Variants in METTL15 observed in about 807,000 individuals in gnomAD.
The protein encoded by METTL15 is 12S rRNA N(4)-cytidine methyltransferase METTL15.
METTL15 carries 34 observed loss-of-function variants against 38.3 expected under a neutral mutation model. The ratio of observed to expected loss-of-function variants is 0.89; its 90% CI spans 0.68 to 1.18. The LOEUF (loss-of-function observed/expected upper bound fraction) is 1.18, where lower values mean the gene tolerates loss of function less well. Ranked by LOEUF, METTL15 falls within the 50% of genes most tolerant of loss-of-function variation. The pLI is 0.00. For missense variants in METTL15, 438 were observed against 498.4 expected (o/e 0.88, Z 1.15); for synonymous variants, 162 against 170.9 (o/e 0.95, Z 0.41).
chr11:28,450,604 T>A (rs1483323576), intron 6 of METTL15, among the ~76,000 whole-genome samples: 1 of 152,210 alleles, frequency 6.6e-6, no homozygotes, highest in Non-Finnish European at 1.5e-5. Context: ...AAATACAGTA[T>A]GTGTAAGTCA....
chr11:28,270,849 A>T (rs1855614014), intron 4 of METTL15, among the ~76,000 whole-genome samples: 1 of 152,184 alleles, frequency 6.6e-6, no homozygotes, highest in Non-Finnish European at 1.5e-5. Context: ...CCTGGGTTAG[A>T]ATCCCAGCTG....
intron 6 of METTL15, among the ~76,000 whole-genome samples, chr11:28,452,343 A>G (rs1352734251): frequency 1.3e-5 from 2 of 152,242 alleles, no homozygotes; most frequent in African/African-American, 4.8e-5. Context: ...AGCTGATGTT[A>G]TAAATGGTCT....
chr11:28,407,701 G>A (rs1850686021), intron 5 of METTL15, among the ~76,000 whole-genome samples: 1 of 152,166 alleles, frequency 6.6e-6, no homozygotes, highest in South Asian at 2.1e-4. Context: ...CTTTTACGCT[G>A]TTGGTGGGAA....
chr11:28,152,779 G>C (rs553183940), intron 3 of METTL15, among the ~76,000 whole-genome samples: 3 of 147,206 alleles, frequency 2.0e-5, no homozygotes, highest in Admixed American at 6.9e-5. Context: ...AATTAGAAAG[G>C]AATAAAAGAG....
At chr11:28,430,721 A>T (rs1488321410) in intron 6 of METTL15, among the ~76,000 whole-genome samples, 1 of 108,504 alleles carries the variant, frequency 9.2e-6, no homozygotes, top group African/African-American at 3.6e-5. Context: ...TCTGGGAGGG[A>T]GGTGGGGGGG....
At chr11:28,255,334 C>G (rs1854927468) in intron 4 of METTL15, among the ~76,000 whole-genome samples, 1 of 152,088 alleles carries the variant, frequency 6.6e-6, no homozygotes, top group Non-Finnish European at 1.5e-5. Flanking sequence ...TTTATCAGTA[C>G]TAATAGTTTT....
At position 28,181,375 on chromosome 11, in the gene METTL15, A is replaced by G. The variant is rs141111083; in HGVS notation, c.271-29687A>G. 4.5e-3 allele frequency among the ~76,000 whole-genome samples: 677 copies of G among 150,798 alleles called. 3 individuals carry two copies. The highest frequency in any genetic ancestry group is 0.01 in the Middle Eastern group (3 of 288). On this transcript the variant is annotated intron_variant, in intron 3 of 6. Coordinates refer to ENST00000407364, the MANE Select transcript of METTL15 (RefSeq NM_001113528.2). ...CATACTCATCAACCCGTCATCTACA[A>G]TAGGTATTTCTCCTAATGCTATCCC...
At chr11:28,375,928 A>G (rs1467040733) in intron 5 of METTL15, among the ~76,000 whole-genome samples, 8 of 152,004 alleles carry the variant, frequency 5.3e-5, no homozygotes, top group South Asian at 2.1e-4. Context: ...TTATGTACCC[A>G]GTAGTCATTC....
rs1236519227 is a variant in METTL15, at chr11:28,130,619, G to A, written c.270+17015G>A. ...CTAGCAACTGACTGAGAGAGATGAA[G>A]GTCACTGGATTTGAGGTGTACATAT... is the stretch of plus-strand genomic sequence containing the variant. On this transcript the variant is annotated intron_variant, in intron 3 of 6. Transcript: ENST00000407364. Among the ~76,000 whole-genome samples the A allele has an allele frequency of 3.3e-5, 5 of 152,160 alleles. No homozygotes were observed. In the East Asian group the frequency reaches 9.7e-4, roughly 29 times the overall value.
At chr11:28,482,683 T>C (rs1851405288) in intron 6 of METTL15, among the ~76,000 whole-genome samples, 1 of 152,222 alleles carries the variant, frequency 6.6e-6, no homozygotes, top group Non-Finnish European at 1.5e-5. Context: ...CCAGTTTGTC[T>C]GGCTCAGGGC....
At chr11:28,183,571 CAT>C (rs1420575108) in intron 3 of METTL15, among the ~76,000 whole-genome samples, 1 of 151,942 alleles carries the variant, frequency 6.6e-6, no homozygotes, top group East Asian at 1.9e-4. Flanking sequence ...TATTATTTTA[CAT>C]ATGTTGAACT....
intron 6 of METTL15, among the ~76,000 whole-genome samples, chr11:28,454,891 G>A (rs141926044): frequency 5.9e-5 from 9 of 152,310 alleles, no homozygotes; most frequent in East Asian, 1.9e-4. Flanking sequence ...AAAGCACAAG[G>A]GATGGGGAGG....
intron 4 of METTL15, among the ~76,000 whole-genome samples, chr11:28,258,326 C>T (rs1855056312): frequency 6.6e-6 from 1 of 152,162 alleles, no homozygotes; most frequent in African/African-American, 2.4e-5. Context: ...CTGGGTCAGA[C>T]CTGAAGCCAG....
intron 3 of METTL15, among the ~76,000 whole-genome samples, chr11:28,157,522 C>T (rs1459849176): frequency 6.6e-6 from 1 of 152,174 alleles, no homozygotes; most frequent in African/African-American, 2.4e-5. Flanking sequence ...AACTACTCCC[C>T]TTTTGAGAGA....
At chr11:28,348,769 T>C (rs1272705699) in intron 3 of METTL15, among the ~76,000 whole-genome samples, 1 of 152,200 alleles carries the variant, frequency 6.6e-6, no homozygotes, top group African/African-American at 2.4e-5. Context: ...ATTCAATGGG[T>C]TATAATTTGC....
intron 4 of METTL15, among the ~76,000 whole-genome samples, chr11:28,269,539 A>G (rs993452264): frequency 6.6e-6 from 1 of 152,078 alleles, no homozygotes; most frequent in Non-Finnish European, 1.5e-5. Flanking sequence ...AATTAACTGC[A>G]TGTTGTTGTT....
At chr11:28,109,688 GT>G (rs1264973488) in intron 1 of METTL15, among the ~76,000 whole-genome samples, 1 of 152,184 alleles carries the variant, frequency 6.6e-6, no homozygotes, top group Non-Finnish European at 1.5e-5. Context: ...TGGATCATTG[GT>G]GAAGAATAGA....
At chr11:28,389,835 T>G (rs566031403) in intron 5 of METTL15, among the ~76,000 whole-genome samples, 10 of 151,854 alleles carry the variant, frequency 6.6e-5, no homozygotes, top group South Asian at 2.1e-4. Flanking sequence ...TGAACTAGTT[T>G]ACAGTCCCAC....
intron 6 of METTL15, among the ~76,000 whole-genome samples, chr11:28,300,494 A>G (rs185583643): frequency 1.3e-5 from 2 of 152,296 alleles, no homozygotes; most frequent in Non-Finnish European, 2.9e-5. Context: ...TAGTATAAAT[A>G]ACTACAGTTC....
Sources: allele counts gnomAD v4.1 joint callset (sites outside exome capture counted in the v4.1 genomes callset), GRCh38; gene constraint gnomAD v4.1.1; transcripts MANE v1.5; gene names NCBI Gene and HGNC (gene_info 2026-07-23, HGNC 2026-07-21).